The following SLK variants were observed in gnomAD, a reference collection of about 807,000 sequenced individuals.
SLK encodes the protein STE20 like kinase, also known as STE20-like serine/threonine-protein kinase.
In SLK, 67 loss-of-function variants were observed where a neutral mutation model predicts 147.7. That is an observed-to-expected ratio of 0.45 (90% CI 0.37 to 0.56). The LOEUF (loss-of-function observed/expected upper bound fraction) is 0.56, where lower values mean the gene tolerates loss of function less well. Among genes scored for constraint, SLK ranks in the 20% least tolerant of loss-of-function variants. The probability of loss-of-function intolerance (pLI) is 0.00; values close to 1 mark genes in which losing one functional copy is unlikely to be tolerated. For synonymous variants in SLK, 441 were observed against 475.0 expected (o/e 0.93, Z 0.93); for missense variants, 1,136 against 1,438.8 (o/e 0.79, Z 3.41).
At chr10:103,968,481 A>G (rs1849985090) in intron 1 of SLK, among the ~76,000 whole-genome samples, 1 of 152,254 alleles carries the variant, frequency 6.6e-6, no homozygotes, top group African/African-American at 2.4e-5. Context: ...AAATATATTT[A>G]TGGTAAGCAT....
At position 103,967,750 on chromosome 10, in the gene SLK, C is replaced by T; in HGVS notation, c.5C>T (p.Ser2Phe). M[S>F]FFNFRKIFKL... The stretch of plus-strand genomic sequence containing the variant: ...AACTCTGTGTTGGGAGGAAAAATGT[C>T]CTTCTTCAATTTCCGTAAGATCTTC... The change falls in exon 1 of 19, where the codon TCC becomes TTC. Residue 2 changes from serine (S) to phenylalanine (F), a missense_variant. Ser to Phe is a radical substitution (Grantham distance 155, BLOSUM62 -2). This residue lies in a region of SLK where 126 missense variants were observed against 141.3 expected (regional missense o/e 0.89). Coordinates refer to ENST00000369755, the MANE Select transcript of SLK (RefSeq NM_014720.4). 1.2e-6 allele frequency: 2 copies of T among 1,613,958 alleles called. No homozygotes were observed. Among genetic ancestry groups the T allele is most frequent in the Non-Finnish European group, 1.7e-6 (2 of 1,179,882 alleles).
rs142646697 is a variant in SLK at position 103,981,447 on chromosome 10, G to A, written c.151-9228G>A. Among the ~76,000 whole-genome samples, 506 of 152,176 alleles carry A rather than the reference G, an allele frequency of 3.3e-3. 1 individual carries two copies. Among genetic ancestry groups the A allele is most frequent in the Middle Eastern group, 6.8e-3 (2 of 294 alleles). ...CAGTATCATAAAGCTTTTGCCTCATGCTGTCTTCTGAGAGTTTTATAGTTT... is the reference window on the plus strand; with the variant it reads ...CAGTATCATAAAGCTTTTGCCTCATACTGTCTTCTGAGAGTTTTATAGTTT... On this transcript the variant is annotated intron_variant, in intron 1 of 18. Coordinates refer to ENST00000369755, the MANE Select transcript of SLK (RefSeq NM_014720.4).
At chr10:104,022,642 C>T (rs1317509871) in intron 18 of SLK, among the ~76,000 whole-genome samples, 1 of 152,092 alleles carries the variant, frequency 6.6e-6, no homozygotes, top group East Asian at 1.9e-4. Flanking sequence ...GAGTCTCACT[C>T]TGTCGCCCAG....
intron 1 of SLK, among the ~76,000 whole-genome samples, chr10:103,987,392 C>A (rs759133806): frequency 2.0e-5 from 3 of 152,096 alleles, no homozygotes; most frequent in African/African-American, 7.2e-5. Flanking sequence ...CGTCATTTTT[C>A]ATTGTAGAAC....
chr10:104,007,960 A>AAAATAG (rs1216106924), intron 11 of SLK, among the ~76,000 whole-genome samples: 1 of 152,096 alleles, frequency 6.6e-6, no homozygotes, highest in Non-Finnish European at 1.5e-5. Context: ...TCTAATAAAT[A>AAAATAG]AAATAGAAAA....
chr10:104,005,865 G>T (rs1484443400), intron 10 of SLK, 47 bp from the exon 11 acceptor site: 6 of 1,563,196 alleles, frequency 3.8e-6, no homozygotes, highest in Non-Finnish European at 5.2e-6. Context: ...TATTTCAGAA[G>T]TGTAATTTTT....
chr10:104,021,709 A>G lies in SLK; in HGVS notation c.3537A>G (p.Arg1179=). ...EEHSQELKEW[R]EKLRPRKKTL... ...ATAGCCAAGAATTAAAGGAGTGGAG[A>G]GAGAAATTGAGACCTAGGAAAAAGG... The change falls in exon 18 of 19, where the codon AGA becomes AGG. Residue 1179 remains arginine (R), a synonymous_variant. Transcript: ENST00000369755. The G allele has an allele frequency of 6.3e-7, 1 of 1,592,082 alleles. No individual in the cohort carries two copies. The highest frequency in any genetic ancestry group is 1.1e-5 in the South Asian group (1 of 89,754).
intron 1 of SLK, chr10:103,974,508 G>T (rs1206820181): frequency 7.3e-6 from 1 of 136,308 alleles, no homozygotes; most frequent in Non-Finnish European, 1.6e-5. Flanking sequence ...CCAGCTACTC[G>T]GGAGGCTGAG....
chr10:103,985,857 A>G (rs2134460551), intron 1 of SLK, among the ~76,000 whole-genome samples: 1 of 152,304 alleles, frequency 6.6e-6, no homozygotes, highest in Admixed American at 6.5e-5. Context: ...ATGAGGGTGT[A>G]ATTTTTTTAG....
At chr10:104,021,769 G>T (rs1192064588) in intron 18 of SLK, 36 bp downstream of exon 18, 2 of 1,142,432 alleles carry the variant, frequency 1.8e-6, no homozygotes, top group East Asian at 2.4e-5. Flanking sequence ...TGATATGTGT[G>T]TACTCGTCCG....
intron 1 of SLK, among the ~76,000 whole-genome samples, chr10:103,981,739 G>A (rs920267371): frequency 9.2e-5 from 14 of 151,660 alleles, no homozygotes; most frequent in South Asian, 2.1e-4. Flanking sequence ...CTGTAGCTTC[G>A]TAGTAAGTTT....
Position 103,995,425 on chromosome 10 carries a change from T to C in SLK, c.514+2292T>C, listed in dbSNP as rs1458102956. Among the ~76,000 whole-genome samples the C allele has an allele frequency of 1.7e-4, 15 of 87,518 alleles. No homozygotes were observed. The South Asian group carries it at 4.7e-3, about 27-fold the overall frequency. The allele number at this position is 87,518 out of a possible 152,430, so 57.4% of individuals were successfully genotyped here. On this transcript the variant is annotated intron_variant, in intron 4 of 18. Transcript: ENST00000369755. Reference sequence around the variant, plus strand: ...TTCTTTTTTCTTTTCTTTCTTTTCTTTTTTTTTTTTTTTTTTTTTTGAGTC... The same window carrying C: ...TTCTTTTTTCTTTTCTTTCTTTTCTCTTTTTTTTTTTTTTTTTTTTGAGTC...
rs1430548316 is a variant in SLK at position 104,028,270 on chromosome 10, C to G, written c.*2550C>G. On this transcript the variant is annotated 3_prime_UTR_variant, in exon 19 of 19. Coordinates refer to ENST00000369755, the MANE Select transcript of SLK (RefSeq NM_014720.4). ...ATACAGACTTCTCCGAACGTGCACC[C>G]TCATCAGCCACCTCCTCCCCTCTTT... is the stretch of plus-strand genomic sequence containing the variant. The G allele has an allele frequency of 6.6e-6, 1 of 152,232 alleles. No individual in the cohort carries two copies. The highest frequency in any genetic ancestry group is 1.5e-5 in the Non-Finnish European group (1 of 68,096). The allele number at this position is 152,232 out of a possible 1,614,324, so 9.4% of individuals were successfully genotyped here.
rs144105969 is a variant in SLK at position 104,003,257 on chromosome 10, G to C, written c.2079G>C (p.Glu693Asp). 1.0e-4 allele frequency: 168 copies of C among 1,613,466 alleles called. No homozygotes were observed. The highest frequency in any genetic ancestry group is 1.4e-4 in the Non-Finnish European group (161 of 1,179,886). ...KKEIPVSIKKEPEVTVVSQPT... is the reference protein window; with the variant it reads ...KKEIPVSIKKDPEVTVVSQPT... ...AAATTCCAGTGTCAATTAAAAAAGAGCCTGAAGTTACTGTAGTTTCACAGC... is the reference window on the plus strand; with the variant it reads ...AAATTCCAGTGTCAATTAAAAAAGACCCTGAAGTTACTGTAGTTTCACAGC... The change falls in exon 9 of 19, where the codon GAG becomes GAC. Residue 693 changes from glutamate (E) to aspartate (D), a missense_variant. Physicochemically the swap from Glu to Asp is conservative, Grantham distance 45. This residue lies in a region of SLK where 516 missense variants were observed against 531.3 expected (regional missense o/e 0.97). Coordinates refer to ENST00000369755, the MANE Select transcript of SLK (RefSeq NM_014720.4).
At chr10:104,008,827 T>C (rs1320886761) in intron 12 of SLK, among the ~76,000 whole-genome samples, 1 of 152,222 alleles carries the variant, frequency 6.6e-6, no homozygotes, top group Non-Finnish European at 1.5e-5. Flanking sequence ...TAATTCATAC[T>C]TTTAACGATT....
At chr10:104,001,621 GA>G in intron 8 of SLK, 49 bp downstream of exon 8, 1 of 1,601,802 alleles carries the variant, frequency 6.2e-7, no homozygotes. Flanking sequence ...GTTCGGTTTT[GA>G]GGTGTAGTTG....
Position 103,999,109 on chromosome 10 carries a change from G to A in SLK, c.588-10G>A. On this transcript the variant is annotated splice_polypyrimidine_tract_variant and intron_variant, in intron 5 of 18. Coordinates refer to ENST00000369755, the MANE Select transcript of SLK (RefSeq NM_014720.4). ...TAAACATGTTAACTTTTAATTATCT[G>A]TCTTCATAGGATGGCTCCTGAAGTA... The A allele has an allele frequency of 6.3e-7, 1 of 1,598,506 alleles. No homozygotes were observed.
chr10:103,994,738 A>G (rs1161525310), intron 4 of SLK, among the ~76,000 whole-genome samples: 3 of 152,218 alleles, frequency 2.0e-5, no homozygotes, highest in Non-Finnish European at 4.4e-5. Context: ...GGGGCTAGTA[A>G]TGAAACACTG....
chr10:104,028,734 C>T lies in SLK; in HGVS notation c.*3014C>T, dbSNP rs958228065. On this transcript the variant is annotated 3_prime_UTR_variant, in exon 19 of 19. Transcript: ENST00000369755. ...CTTCTAGTTTCCTTGTAACTATACA[C>T]TTTTTCCCATTCCACACTGTGCTTA... The T allele has an allele frequency of 1.3e-5, 2 of 152,194 alleles. No individual in the cohort carries two copies. The highest frequency in any genetic ancestry group is 2.9e-5 in the Non-Finnish European group (2 of 68,030). The allele number at this position is 152,194 out of a possible 1,614,324, so 9.4% of individuals were successfully genotyped here. A position where few individuals can be genotyped will look rare whatever the true frequency, so the allele number is the denominator to read the frequency against.
Sources: allele counts gnomAD v4.1 joint callset (sites outside exome capture counted in the v4.1 genomes callset), GRCh38; gene constraint gnomAD v4.1.1; regional missense constraint gnomAD v4.1.1; transcripts MANE v1.5; gene names NCBI Gene and HGNC (gene_info 2026-07-23, HGNC 2026-07-21).